Variants in NPAS3 observed in about 807,000 individuals in gnomAD.
NPAS3 encodes neuronal PAS domain-containing protein 3.
Under a neutral mutation model 73.1 loss-of-function variants are expected in NPAS3, and 14 were observed. The ratio of observed to expected loss-of-function variants is 0.19; its 90% CI spans 0.13 to 0.30. NPAS3 has a LOEUF of 0.30. Ranked by LOEUF, NPAS3 falls within the 10% of genes least tolerant of loss-of-function variation. The pLI is 1.00. For synonymous variants in NPAS3, 620 were observed against 541.5 expected (o/e 1.14, Z -2.01); for missense variants, 1,096 against 1,250.0 (o/e 0.88, Z 1.86).
At chr14:33,630,843 A>G (rs1231211092) in intron 5 of NPAS3, among the ~76,000 whole-genome samples, 1 of 152,178 alleles carries the variant, frequency 6.6e-6, no homozygotes, top group Non-Finnish European at 1.5e-5. Flanking sequence ...ACCTCAAACA[A>G]AGCAGAGATC....
chr14:33,721,130 G>A (rs2061097287), intron 6 of NPAS3, among the ~76,000 whole-genome samples: 1 of 152,118 alleles, frequency 6.6e-6, no homozygotes, highest in African/African-American at 2.4e-5. Flanking sequence ...ATATAAGAGA[G>A]AATACTCTTT....
intron 1 of NPAS3, among the ~76,000 whole-genome samples, chr14:32,952,592 G>GA (rs200845143): frequency 5.4e-5 from 8 of 149,390 alleles, no homozygotes; most frequent in South Asian, 2.1e-4. Flanking sequence ...CATTGTTTTA[G>GA]AAAAAAAAAA....
intron 5 of NPAS3, among the ~76,000 whole-genome samples, chr14:33,582,693 A>G (rs1245736353): frequency 6.6e-6 from 1 of 152,224 alleles, no homozygotes; most frequent in Non-Finnish European, 1.5e-5. Context: ...CTCAGAAAGA[A>G]ATGCAAAGTT....
intron 5 of NPAS3, among the ~76,000 whole-genome samples, chr14:33,648,184 A>G (rs895633102): frequency 6.6e-6 from 1 of 152,152 alleles, no homozygotes; most frequent in Non-Finnish European, 1.5e-5. Flanking sequence ...AAAGTTACTG[A>G]GATGAATTTA....
At chr14:33,132,744 T>C (rs1242523469) in intron 2 of NPAS3, among the ~76,000 whole-genome samples, 1 of 152,136 alleles carries the variant, frequency 6.6e-6, no homozygotes, top group Non-Finnish European at 1.5e-5. Flanking sequence ...ATACCTTAAT[T>C]AGGACAATTT....
intron 2 of NPAS3, among the ~76,000 whole-genome samples, chr14:33,177,886 A>G (rs1483565949): frequency 1.3e-5 from 2 of 152,122 alleles, no homozygotes; most frequent in East Asian, 1.9e-4. Flanking sequence ...AAATGCTACA[A>G]TGTTATGATG....
intron 2 of NPAS3, among the ~76,000 whole-genome samples, chr14:33,068,655 T>C (rs1038138121): frequency 3.9e-5 from 6 of 152,056 alleles, no homozygotes; most frequent in African/African-American, 1.2e-4. Context: ...ATACAGAAGG[T>C]TAAGAAGGAT....
chr14:33,024,722 C>T (rs745589682), intron 1 of NPAS3, among the ~76,000 whole-genome samples: 1 of 152,130 alleles, frequency 6.6e-6, no homozygotes, highest in Non-Finnish European at 1.5e-5. Context: ...TATAGAAATA[C>T]ACCAATGAAA....
At chr14:33,738,583 A>G (rs938263065) in intron 7 of NPAS3, among the ~76,000 whole-genome samples, 1 of 152,154 alleles carries the variant, frequency 6.6e-6, no homozygotes, top group African/African-American at 2.4e-5. Context: ...ACCAACCTGC[A>G]TCTGCTAATG....
At chr14:33,287,808 A>T (rs146677880) in intron 3 of NPAS3, among the ~76,000 whole-genome samples, 1 of 152,320 alleles carries the variant, frequency 6.6e-6, no homozygotes, top group African/African-American at 2.4e-5. Flanking sequence ...TGAAAGAACT[A>T]GTTAAGGTTG....
intron 2 of NPAS3, among the ~76,000 whole-genome samples, chr14:33,151,469 G>A (rs1316244879): frequency 6.6e-6 from 1 of 152,206 alleles, no homozygotes; most frequent in Non-Finnish European, 1.5e-5. Flanking sequence ...TTGTATAAAA[G>A]AGGGTGATGA....
At chr14:33,270,815 T>G (rs937417133) in intron 3 of NPAS3, among the ~76,000 whole-genome samples, 7 of 152,280 alleles carry the variant, frequency 4.6e-5, no homozygotes, top group Admixed American at 1.3e-4. Context: ...TCTGCAGATA[T>G]CTCAGGTCAG....
chr14:33,588,460 T>A (rs1288057151), intron 5 of NPAS3, among the ~76,000 whole-genome samples: 3 of 152,230 alleles, frequency 2.0e-5, no homozygotes, highest in Admixed American at 6.5e-5. Context: ...CCCCCTGACA[T>A]AAGAACTTAG....
At chr14:33,525,153 A>G (rs1395683874) in intron 4 of NPAS3, among the ~76,000 whole-genome samples, 1 of 152,180 alleles carries the variant, frequency 6.6e-6, no homozygotes, top group East Asian at 1.9e-4. Flanking sequence ...AAAAGGGGAT[A>G]AGTATCCTAG....
intron 4 of NPAS3, among the ~76,000 whole-genome samples, chr14:33,476,757 C>T (rs1287421526): frequency 6.6e-6 from 1 of 152,102 alleles, no homozygotes; most frequent in Non-Finnish European, 1.5e-5. Context: ...GGCCCCTTTA[C>T]CTTGTGGGGT....
chr14:33,286,839 C>A (rs1301146084), intron 3 of NPAS3, among the ~76,000 whole-genome samples: 1 of 152,088 alleles, frequency 6.6e-6, no homozygotes, highest in Non-Finnish European at 1.5e-5. Flanking sequence ...GAAAAAGAAA[C>A]AAAGGTATAT....
At chr14:33,289,497 G>T (rs942737361) in intron 3 of NPAS3, among the ~76,000 whole-genome samples, 1 of 152,000 alleles carries the variant, frequency 6.6e-6, no homozygotes, top group East Asian at 1.9e-4. Context: ...TCTCTCCTTG[G>T]CCCTTTTAAA....
At chr14:33,000,284 A>G (rs772119182) in intron 1 of NPAS3, among the ~76,000 whole-genome samples, 14 of 152,172 alleles carry the variant, frequency 9.2e-5, no homozygotes, top group African/African-American at 3.1e-4. Context: ...TTTAATGACT[A>G]TTGCCAAAAT....
chr14:33,665,488 C>T (rs565148805), intron 5 of NPAS3, among the ~76,000 whole-genome samples: 4 of 152,192 alleles, frequency 2.6e-5, no homozygotes, highest in Admixed American at 6.5e-5. Context: ...TTGAACAGAC[C>T]TTTTCCGTAA....
Sources: gnomAD v4.1 joint callset for allele counts (sites outside exome capture counted in the v4.1 genomes callset) on GRCh38, gnomAD v4.1.1 for gene constraint, MANE v1.5 for transcripts, NCBI Gene and HGNC (gene_info 2026-07-23, HGNC 2026-07-21) for gene names.